The following DAB1 variants were observed in gnomAD, a reference collection of about 807,000 sequenced individuals.
The protein encoded by DAB1 is disabled homolog 1.
Under a neutral mutation model 64.6 loss-of-function variants are expected in DAB1, and 15 were observed. The observed-to-expected ratio is 0.23, with a 90% CI of 0.16 to 0.36. DAB1 has a LOEUF of 0.36. Among genes scored for constraint, DAB1 ranks in the 10% least tolerant of loss-of-function variants. DAB1 has a pLI of 1.00. For missense variants in DAB1, 596 were observed against 706.7 expected (o/e 0.84, Z 1.78); for synonymous variants, 235 against 251.9 (o/e 0.93, Z 0.64).
chr1:58,505,830 C>A (rs12135418), intron 3 of DAB1, among the ~76,000 whole-genome samples: 1 of 152,090 alleles, frequency 6.6e-6, no homozygotes, highest in Admixed American at 6.6e-5. Flanking sequence ...AGGAGTTAAA[C>A]CTTCACTATT....
intron 4 of DAB1, among the ~76,000 whole-genome samples, chr1:57,125,625 A>G (rs1657067275): frequency 6.6e-6 from 1 of 152,168 alleles, no homozygotes; most frequent in South Asian, 2.1e-4. Context: ...AAATGAGGGG[A>G]AAATGGGTTA....
chr1:57,590,547 G>T (rs139243954), intron 7 of DAB1, among the ~76,000 whole-genome samples: 1 of 151,906 alleles, frequency 6.6e-6, no homozygotes, highest in African/African-American at 2.4e-5. Flanking sequence ...TGGCCAGGAT[G>T]GTTTCAATCT....
At chr1:58,116,005 AT>A (rs1486906759) in intron 5 of DAB1, among the ~76,000 whole-genome samples, 12 of 151,714 alleles carry the variant, frequency 7.9e-5, no homozygotes, top group African/African-American at 2.9e-4. Context: ...AAAAATTAAT[AT>A]TAAACAATTC....
At position 58,275,523 on chromosome 1, in the gene DAB1, C is replaced by T. The variant is rs1358232832; in HGVS notation, n.309+67829G>A. Among the ~76,000 whole-genome samples the T allele has an allele frequency of 2.0e-5, 3 of 152,006 alleles. No individual in the cohort carries two copies. The East Asian group carries it at 5.8e-4, about 29-fold the overall frequency. On this transcript the variant is annotated intron_variant and non_coding_transcript_variant, in intron 4 of 20. Coordinates refer to the DAB1 transcript ENST00000485760. ...GGCAAAAACTTGAATAGTTATTTCT[C>T]CAAAGAATATATACAAATGTCTAAT...
intron 5 of DAB1, among the ~76,000 whole-genome samples, chr1:57,932,801 T>C (rs926675359): frequency 6.6e-6 from 1 of 152,222 alleles, no homozygotes; most frequent in Non-Finnish European, 1.5e-5. Context: ...TCTTTCTATG[T>C]CCATTTACTT....
chr1:57,410,436 C>T (rs1684016401), intron 1 of DAB1, among the ~76,000 whole-genome samples: 1 of 152,106 alleles, frequency 6.6e-6, no homozygotes, highest in African/African-American at 2.4e-5. Context: ...CAATTGAAGA[C>T]ATAATGAAGT....
chr1:57,568,112 A>T (rs1343053574), intron 7 of DAB1, among the ~76,000 whole-genome samples: 1 of 152,194 alleles, frequency 6.6e-6, no homozygotes, highest in African/African-American at 2.4e-5. Context: ...AGCCCTCAGA[A>T]ATAATACCAC....
intron 7 of DAB1, among the ~76,000 whole-genome samples, chr1:57,617,187 C>T (rs759462966): frequency 1.3e-5 from 2 of 152,094 alleles, no homozygotes; most frequent in Admixed American, 6.5e-5. Flanking sequence ...ACAGCTGCTC[C>T]CTTCTTCCAA....
intron 5 of DAB1, among the ~76,000 whole-genome samples, chr1:57,923,781 CCTT>C (rs1203617306): frequency 1.3e-5 from 2 of 152,150 alleles, no homozygotes; most frequent in Non-Finnish European, 2.9e-5. Context: ...TTCGGTTTCT[CCTT>C]CTACCAGAAA....
At chr1:58,472,191 G>A (rs1313625104) in intron 3 of DAB1, among the ~76,000 whole-genome samples, 7 of 152,108 alleles carry the variant, frequency 4.6e-5, no homozygotes, top group African/African-American at 1.7e-4. Flanking sequence ...GGAAGAAAAA[G>A]ACACCCTAGG....
rs114005415 is a variant in DAB1, at chr1:58,477,506, A to G, written n.257+28554T>C. The stretch of plus-strand genomic sequence containing the variant: ...GTGGTGTTGACTCATACCCATCATC[A>G]GCTTGAATGTTGGATCCTGATAGGT... On this transcript the variant is annotated intron_variant and non_coding_transcript_variant, in intron 3 of 20. Transcript: ENST00000485760. Among the ~76,000 whole-genome samples, 824 of 152,204 alleles carry G rather than the reference A, an allele frequency of 5.4e-3. 6 individuals are homozygous for G. The highest frequency in any genetic ancestry group is 0.019 in the African/African-American group (790 of 41,516).
At chr1:58,102,102 G>C (rs1230714290) in intron 5 of DAB1, among the ~76,000 whole-genome samples, 1 of 152,218 alleles carries the variant, frequency 6.6e-6, no homozygotes, top group East Asian at 1.9e-4. Context: ...TCAGAGATGA[G>C]AATATTGGGG....
chr1:58,430,412 G>A (rs184251255), intron 3 of DAB1, among the ~76,000 whole-genome samples: 4 of 152,184 alleles, frequency 2.6e-5, no homozygotes, highest in Admixed American at 2.0e-4. Context: ...GAGGACTAGA[G>A]GGAAAAATTG....
At chr1:57,211,254 A>G (rs542668251) in intron 2 of DAB1, among the ~76,000 whole-genome samples, 3 of 152,180 alleles carry the variant, frequency 2.0e-5, no homozygotes, top group Non-Finnish European at 4.4e-5. Context: ...TTTTGGAGGA[A>G]ACAGCTGTAG....
intron 7 of DAB1, among the ~76,000 whole-genome samples, chr1:57,464,784 G>C (rs1048461135): frequency 2.0e-5 from 3 of 152,110 alleles, no homozygotes; most frequent in Admixed American, 1.3e-4. Flanking sequence ...AGTTATCTTA[G>C]GCAGGTTGAC....
intron 11 of DAB1, among the ~76,000 whole-genome samples, chr1:57,016,286 TA>T (rs531754195): frequency 6.7e-4 from 99 of 148,182 alleles, no homozygotes; most frequent in East Asian, 4.7e-3. Context: ...TTTTAGAGAA[TA>T]AAAAAAAAAT....
chr1:57,708,445 G>C (rs1646992072), intron 6 of DAB1, among the ~76,000 whole-genome samples: 1 of 152,204 alleles, frequency 6.6e-6, no homozygotes, highest in Non-Finnish European at 1.5e-5. Context: ...CAGTCTCTTG[G>C]GCTCTGGTGT....
intron 2 of DAB1, among the ~76,000 whole-genome samples, chr1:57,252,547 CAACA>C (rs1669431137): frequency 6.6e-6 from 1 of 152,112 alleles, no homozygotes; most frequent in Non-Finnish European, 1.5e-5. Flanking sequence ...TTTATGTACC[CAACA>C]AACAGTTAAT....
chr1:58,184,391 C>A (rs908838875), intron 4 of DAB1, among the ~76,000 whole-genome samples: 5 of 151,448 alleles, frequency 3.3e-5, no homozygotes, highest in African/African-American at 1.2e-4. Flanking sequence ...GTCCTAATAC[C>A]TAGGACAATA....
Sources: gnomAD v4.1 joint callset for allele counts (sites outside exome capture counted in the v4.1 genomes callset) on GRCh38, gnomAD v4.1.1 for gene constraint, MANE v1.5 for transcripts, NCBI Gene and HGNC (gene_info 2026-07-23, HGNC 2026-07-21) for gene names.